Variants in SPIDR observed in about 807,000 individuals in gnomAD.
The protein encoded by SPIDR is scaffold protein involved in DNA repair, also known as DNA repair-scaffolding protein.
SPIDR carries 93 observed loss-of-function variants against 104.6 expected under a neutral mutation model. That is an observed-to-expected ratio of 0.89 (90% confidence interval 0.75 to 1.06). The LOEUF is 1.06. Ranked by LOEUF, SPIDR falls within the 50% of genes least tolerant of loss-of-function variation. The pLI is 0.00. For synonymous variants in SPIDR, 431 were observed against 416.9 expected (o/e 1.03, Z -0.41); for missense variants, 1,154 against 1,111.2 (o/e 1.04, Z -0.55).
intron 5 of SPIDR, among the ~76,000 whole-genome samples, chr8:47,376,709 G>A (rs1343492331): frequency 6.6e-6 from 1 of 151,998 alleles, no homozygotes; most frequent in Non-Finnish European, 1.5e-5. Flanking sequence ...TTGTAGTGTA[G>A]GTCATCTGAA....
intron 3 of SPIDR, among the ~76,000 whole-genome samples, 156 bp downstream of exon 3, chr8:47,284,250 G>A (rs888214152): frequency 3.4e-4 from 52 of 152,214 alleles, no homozygotes; most frequent in African/African-American, 1.2e-3. Context: ...AGATATTTTT[G>A]AGAACTTTGT....
In SPIDR at chr8:47,291,179, A is replaced by G. The variant is rs1309220118; in HGVS notation, c.361+42A>G. ...TAGAATAGACAGATTTTGTAACAGG[A>G]ACATATTGTGTCCAGAAGATCAGAG... On this transcript the variant is annotated intron_variant, in intron 4 of 19. Transcript: ENST00000297423. 9 of 1,367,416 alleles carry G rather than the reference A, an allele frequency of 6.6e-6. No individual in the cohort carries two copies. The African/African-American group carries it at 1.3e-4, about 20-fold the overall frequency. The allele number at this position is 1,367,416 out of a possible 1,614,324, so 84.7% of individuals were successfully genotyped here.
At chr8:47,586,413 A>G (rs1379953010) in intron 8 of SPIDR, among the ~76,000 whole-genome samples, 1 of 152,160 alleles carries the variant, frequency 6.6e-6, no homozygotes, top group East Asian at 1.9e-4. Flanking sequence ...CCAGCATTCA[A>G]TGTTGATATT....
At position 47,305,308 on chromosome 8, in the gene SPIDR, G is replaced by T. The variant is rs1021270027; in HGVS notation, c.525+11278G>T. Among the ~76,000 whole-genome samples, 430 of 152,310 alleles carry T rather than the reference G, an allele frequency of 2.8e-3. 3 individuals carry two copies. Among genetic ancestry groups the T allele is most frequent in the African/African-American group, 9.1e-3 (377 of 41,556 alleles). ...AGACATAATCAATGTAAAGTAATGT[G>T]AGTGAGACTCAGGCACATTTGTGAG... On this transcript the variant is annotated intron_variant, in intron 5 of 19. Transcript: ENST00000297423.
At chr8:47,294,695 A>C (rs1413048430) in intron 5 of SPIDR, among the ~76,000 whole-genome samples, 1 of 152,148 alleles carries the variant, frequency 6.6e-6, no homozygotes, top group African/African-American at 2.4e-5. Context: ...CAATGGTGCG[A>C]TCGTAGCTCA....
At chr8:47,388,436 A>C (rs1439145395) in intron 5 of SPIDR, 13 of 154,138 alleles carry the variant, frequency 8.4e-5, no homozygotes, top group African/African-American at 3.1e-4. Flanking sequence ...CAGTACTGCA[A>C]ATCTTGAGTA....
chr8:47,508,631 C>G (rs1056264555), intron 8 of SPIDR, among the ~76,000 whole-genome samples: 10 of 152,194 alleles, frequency 6.6e-5, no homozygotes, highest in Non-Finnish European at 7.3e-5. Context: ...CCCTCGAATT[C>G]TAACAATGCT....
intron 10 of SPIDR, among the ~76,000 whole-genome samples, chr8:47,634,514 A>G (rs2067585185): frequency 6.6e-6 from 1 of 152,222 alleles, no homozygotes; most frequent in Non-Finnish European, 1.5e-5. Context: ...GAGAAAGGAA[A>G]CTTAATATTC....
intron 8 of SPIDR, among the ~76,000 whole-genome samples, chr8:47,482,809 T>C (rs2077045688): frequency 6.6e-6 from 1 of 152,066 alleles, no homozygotes; most frequent in Non-Finnish European, 1.5e-5. Flanking sequence ...TGAGTCCTCA[T>C]GGGCAGCTGT....
At chr8:47,417,451 T>G (rs2064558058) in intron 7 of SPIDR, among the ~76,000 whole-genome samples, 2 of 152,234 alleles carry the variant, frequency 1.3e-5, no homozygotes, top group African/African-American at 4.8e-5. Flanking sequence ...GTTCATATCC[T>G]TTGCCCACTT....
chr8:47,354,102 T>C (rs1220445518), intron 5 of SPIDR, among the ~76,000 whole-genome samples: 2 of 152,226 alleles, frequency 1.3e-5, no homozygotes. Context: ...ATCTACCGTA[T>C]AACGTATTGA....
intron 10 of SPIDR, among the ~76,000 whole-genome samples, chr8:47,634,137 G>A (rs1421454682): frequency 1.4e-5 from 2 of 138,376 alleles, no homozygotes; most frequent in African/African-American, 5.4e-5. Context: ...TGTCTAGTTA[G>A]ATCCTCAATG....
chr8:47,388,439 C>G (rs2060199893), intron 5 of SPIDR: 1 of 154,124 alleles, frequency 6.5e-6, no homozygotes, highest in Non-Finnish European at 1.5e-5. Flanking sequence ...TACTGCAAAT[C>G]TTGAGTAACT....
At chr8:47,276,988 G>GC (rs1232433339) in intron 1 of SPIDR, 1 of 151,058 alleles carries the variant, frequency 6.6e-6, no homozygotes, top group Admixed American at 6.6e-5. Flanking sequence ...GAGTGCAATG[G>GC]CACAATCTTG....
intron 7 of SPIDR, among the ~76,000 whole-genome samples, chr8:47,420,598 C>T (rs1484529319): frequency 1.3e-5 from 2 of 152,192 alleles, no homozygotes; most frequent in African/African-American, 4.8e-5. Flanking sequence ...TTAATTGGCA[C>T]ATTTAGCCCA....
intron 7 of SPIDR, among the ~76,000 whole-genome samples, chr8:47,434,831 G>T (rs1299828479): frequency 1.3e-5 from 2 of 152,164 alleles, no homozygotes; most frequent in African/African-American, 4.8e-5. Flanking sequence ...TACTTAGGAA[G>T]ACTTGAGTTG....
rs149067512 is a variant in SPIDR at position 47,559,270 on chromosome 8, A to G, written c.1098-36541A>G. Among the ~76,000 whole-genome samples the G allele has an allele frequency of 3.1e-3, 477 of 152,376 alleles. 2 individuals are homozygous for G. The highest frequency in any genetic ancestry group is 0.011 in the African/African-American group (460 of 41,586). On this transcript the variant is annotated intron_variant, in intron 8 of 19. Coordinates refer to ENST00000297423, the MANE Select transcript of SPIDR (RefSeq NM_001080394.4). ...ATATACTAACAATTGGAATAATAACAATTCAGTACTGAACAAATGTGTTAC... is the reference window on the plus strand; with the variant it reads ...ATATACTAACAATTGGAATAATAACGATTCAGTACTGAACAAATGTGTTAC...
chr8:47,681,438 A>G (rs969278280), intron 11 of SPIDR, among the ~76,000 whole-genome samples: 16 of 151,894 alleles, frequency 1.1e-4, no homozygotes, highest in African/African-American at 3.9e-4. Context: ...TTTTCTTTGG[A>G]TTGGTTACAT....
At chr8:47,428,518 T>G (rs1554686780) in intron 7 of SPIDR, among the ~76,000 whole-genome samples, 1 of 152,238 alleles carries the variant, frequency 6.6e-6, no homozygotes, top group African/African-American at 2.4e-5. Flanking sequence ...AGGTGTATGG[T>G]GAGCTGCTTA....
Sources: allele counts gnomAD v4.1 joint callset (sites outside exome capture counted in the v4.1 genomes callset), GRCh38; gene constraint gnomAD v4.1.1; transcripts MANE v1.5; gene names NCBI Gene and HGNC (gene_info 2026-07-23, HGNC 2026-07-21).